ARID1A: variants seen among roughly 807,000 people sequenced by gnomAD.
The protein encoded by ARID1A is AT-rich interaction domain 1A.
A neutral mutation model predicts 212.6 loss-of-function variants in ARID1A; 20 were observed. That is an observed-to-expected ratio of 0.09 (90% CI 0.07 to 0.14). The LOEUF (loss-of-function observed/expected upper bound fraction) is 0.14, where lower values mean the gene tolerates loss of function less well. ARID1A is among the 10% of genes least tolerant of loss of function. ARID1A has a pLI of 1.00. For missense variants in ARID1A, 2,587 were observed against 3,059.0 expected, an observed-to-expected ratio of 0.85 and a Z score of 3.64; for synonymous variants, 1,376 against 1,222.1, an observed-to-expected ratio of 1.13 and a Z score of -2.63.
chr1:26,741,705 T>C (rs1214119044), intron 4 of ARID1A, among the ~76,000 whole-genome samples: 1 of 152,190 alleles, frequency 6.6e-6, no homozygotes, highest in Non-Finnish European at 1.5e-5. Context: ...TAGGAGTGAA[T>C]GTTATCGATA....
At chr1:26,712,064 C>G (rs1557581042) in intron 1 of ARID1A, among the ~76,000 whole-genome samples, 2 of 151,810 alleles carry the variant, frequency 1.3e-5, no homozygotes, top group Non-Finnish European at 2.9e-5. Context: ...CTAGGTGACA[C>G]AGCAAGACCC....
rs771093077 is a variant in ARID1A, at chr1:26,775,146, C to T, written c.4919C>T (p.Thr1640Ile). The T allele has an allele frequency of 6.2e-7, 1 of 1,613,676 alleles. No homozygotes were observed. Among genetic ancestry groups the T allele is most frequent in the South Asian group, 1.1e-5 (1 of 91,018 alleles). ...VQPPMIRRDI[T>I]FPPGSVEATQ... ...CCCCCCATGATTCGGCGGGATATCA[C>T]CTTCCCACCTGGCTCTGTTGAAGCC... The change falls in exon 18 of 20, where the codon ACC becomes ATC. Residue 1640 changes from threonine to isoleucine, a missense_variant. Thr to Ile is a moderately conservative substitution (Grantham distance 89). Transcript: ENST00000324856.
rs775549195 is a variant in ARID1A at position 26,779,168 on chromosome 1, C to A, written c.5270C>A (p.Ala1757Asp). ...AGGTTCAGCAAGGTGTCTAGTCCAGCTCCCATGGAGGGTGGGGAAGAAGAA... is the reference window on the plus strand; with the variant it reads ...AGGTTCAGCAAGGTGTCTAGTCCAGATCCCATGGAGGGTGGGGAAGAAGAA... ...PGRFSKVSSP[A>D]PMEGGEEEEE... Residue 1757 changes from alanine to aspartate, a missense_variant, in exon 20 of 20, where the codon GCT becomes GAT. This residue lies in a region of ARID1A where 890 missense variants were observed against 1,098.2 expected (regional missense o/e 0.81). Coordinates refer to ENST00000324856, the MANE Select transcript of ARID1A (RefSeq NM_006015.6). 3 of 1,604,120 alleles carry A rather than the reference C, an allele frequency of 1.9e-6. No homozygotes were observed. Among genetic ancestry groups the A allele is most frequent in the Non-Finnish European group, 2.6e-6 (3 of 1,174,386 alleles).
At chr1:26,728,443 A>T (rs538280454) in intron 1 of ARID1A, among the ~76,000 whole-genome samples, 2 of 152,312 alleles carry the variant, frequency 1.3e-5, no homozygotes, top group East Asian at 3.9e-4. Flanking sequence ...TTAAGGTCTT[A>T]ACAGCTTAAA....
At chr1:26,741,855 G>T (rs557194753) in intron 4 of ARID1A, among the ~76,000 whole-genome samples, 23 of 152,150 alleles carry the variant, frequency 1.5e-4, no homozygotes, top group Non-Finnish European at 2.8e-4. Flanking sequence ...GCTCTCAGAC[G>T]CTGAGATCTT....
chr1:26,724,054 C>G (rs939178085), intron 1 of ARID1A, among the ~76,000 whole-genome samples: 1 of 151,986 alleles, frequency 6.6e-6, no homozygotes, highest in Non-Finnish European at 1.5e-5. Context: ...TAGGGGGGTT[C>G]TTTTGGTTAA....
intron 1 of ARID1A, chr1:26,729,424 C>G: frequency 1.8e-6 from 1 of 559,144 alleles, no homozygotes; most frequent in Non-Finnish European, 3.2e-6. Flanking sequence ...TTTTAGCTTA[C>G]AAGGTGTTTT....
intron 1 of ARID1A, among the ~76,000 whole-genome samples, chr1:26,724,600 A>AGTGGT (rs2080598994): frequency 6.6e-6 from 1 of 152,180 alleles, no homozygotes; most frequent in East Asian, 1.9e-4. Flanking sequence ...AGTTTCACAA[A>AGTGGT]GTGGTTACTT....
chr1:26,753,638 A>C (rs1219978051), intron 4 of ARID1A, among the ~76,000 whole-genome samples: 3 of 152,228 alleles, frequency 2.0e-5, no homozygotes, highest in Admixed American at 1.3e-4. Flanking sequence ...CTGGTAGGGC[A>C]CTGAGTGGGC....
chr1:26,701,969 TC>T (rs2080335487), intron 1 of ARID1A, among the ~76,000 whole-genome samples: 1 of 152,170 alleles, frequency 6.6e-6, no homozygotes, highest in Non-Finnish European at 1.5e-5. Flanking sequence ...TGCTTCAGGA[TC>T]CCCAGGAGGC....
chr1:26,766,651 A>G, intron 10 of ARID1A, 85 bp downstream of exon 10: 1 of 1,357,372 alleles, frequency 7.4e-7, no homozygotes, highest in Admixed American at 2.4e-5. Context: ...GAGTGACAAG[A>G]TCCCAGCCTT....
intron 4 of ARID1A, among the ~76,000 whole-genome samples, chr1:26,745,013 C>T (rs1041133477): frequency 2.0e-5 from 3 of 152,178 alleles, no homozygotes; most frequent in African/African-American, 7.2e-5. Context: ...CCTTTACAGC[C>T]ACTCTTTTGG....
chr1:26,763,329 A>G, intron 8 of ARID1A, 44 bp downstream of exon 8: 15 of 1,524,752 alleles, frequency 9.8e-6, no homozygotes, highest in Non-Finnish European at 1.3e-5. Context: ...AAGAAAATGT[A>G]TTATAGACCC....
At position 26,768,569 on chromosome 1, in the gene ARID1A, T is replaced by C. The variant is rs1186461613; in HGVS notation, c.3198+570T>C. Among the ~76,000 whole-genome samples the C allele has an allele frequency of 2.0e-5, 3 of 152,308 alleles. No homozygotes were observed. In the East Asian group the frequency reaches 5.8e-4, roughly 29 times the overall value. On this transcript the variant is annotated intron_variant, in intron 11 of 19. Coordinates refer to ENST00000324856, the MANE Select transcript of ARID1A (RefSeq NM_006015.6). ...AGTAGATCTTCCCATTCCTGGAAGC[T>C]TCCCAGTAGAGATAGGATTTCAGGA...
intron 1 of ARID1A, among the ~76,000 whole-genome samples, chr1:26,716,485 T>A (rs2124770069): frequency 6.6e-6 from 1 of 152,304 alleles, no homozygotes; most frequent in Middle Eastern, 3.4e-3. Context: ...GTCTGATGGG[T>A]GGCTTTGTAG....
Position 26,774,296 on chromosome 1 carries a change from T to C in ARID1A, c.4102-33T>C, listed in dbSNP as rs1253741325. The C allele has an allele frequency of 6.6e-7, 1 of 1,519,654 alleles. No individual in the cohort carries two copies. 94.1% of individuals were successfully genotyped at this position (1,519,654 alleles called of 1,614,324 possible). The stretch of plus-strand genomic sequence containing the variant: ...GGGCTTTATGTCCCTGAGTGCAGAG[T>C]ATTAACTTCCCCTCTGCTTGTCTCT... On this transcript the variant is annotated intron_variant, in intron 17 of 19. Coordinates refer to ENST00000324856, the MANE Select transcript of ARID1A (RefSeq NM_006015.6). This position sits in a 1 kb window ranked among gnomAD's most constrained non-coding sequence, Gnocchi z 5.6.
intron 19 of ARID1A, among the ~76,000 whole-genome samples, chr1:26,777,874 C>T (rs1425923449): frequency 6.6e-6 from 1 of 152,102 alleles, no homozygotes; most frequent in Non-Finnish European, 1.5e-5. Flanking sequence ...TCAAGACCAT[C>T]CTGGCCAATA....
rs1207943548 is a variant in ARID1A, at chr1:26,729,590, A to G, written c.1138-61A>G. ...CTAAAAAAACCTGTGTACTTGGGTT[A>G]TATATTCAGTGGCCAGAGGCCATCA... is the stretch of plus-strand genomic sequence containing the variant. On this transcript the variant is annotated intron_variant, in intron 1 of 19. Coordinates refer to ENST00000324856, the MANE Select transcript of ARID1A (RefSeq NM_006015.6). 4.4e-6 allele frequency: 7 copies of G among 1,576,546 alleles called. No individual in the cohort carries two copies. In the Admixed American group the frequency reaches 1.2e-4, roughly 26 times the overall value.
chr1:26,776,335 G>A (rs546340662), intron 19 of ARID1A, among the ~76,000 whole-genome samples: 3 of 150,100 alleles, frequency 2.0e-5, no homozygotes, highest in African/African-American at 2.5e-5. Flanking sequence ...GTGCAGTGGC[G>A]CTATCACAGC....
Sources: gnomAD v4.1 joint callset for allele counts (sites outside exome capture counted in the v4.1 genomes callset) on GRCh38, gnomAD v4.1.1 for gene constraint, gnomAD v4.1.1 regional missense constraint, Gnocchi (gnomAD v3.1) non-coding constraint, MANE v1.5 for transcripts, NCBI Gene and HGNC (gene_info 2026-07-23, HGNC 2026-07-21) for gene names.